UBAP2: variants seen among roughly 807,000 people sequenced by gnomAD.
The protein encoded by UBAP2 is ubiquitin associated protein 2.
Under a neutral mutation model 139.6 loss-of-function variants are expected in UBAP2, and 75 were observed. That is an observed-to-expected ratio of 0.54 (90% confidence interval 0.45 to 0.65). The LOEUF is 0.65. UBAP2 is among the 30% of genes least tolerant of loss of function. UBAP2 has a pLI of 0.00. For synonymous variants in UBAP2, 526 were observed against 526.2 expected (o/e 1.00, Z 0.01); for missense variants, 1,368 against 1,369.6 (o/e 1.00, Z 0.02).
At chr9:33,986,160 C>A (rs1429940855) in intron 6 of UBAP2, among the ~76,000 whole-genome samples, 1 of 152,024 alleles carries the variant, frequency 6.6e-6, no homozygotes, top group East Asian at 1.9e-4. Flanking sequence ...CCAAGCAATT[C>A]TCCTGCCTTA....
chr9:33,938,862 GCCC>G (rs1824832343), intron 16 of UBAP2: 10 of 444,072 alleles, frequency 2.3e-5, no homozygotes, highest in Admixed American at 5.1e-5. Context: ...TTGTTTCAGT[GCCC>G]ATCTGTCAGG....
intron 5 of UBAP2, among the ~76,000 whole-genome samples, 174 bp from the exon 6 acceptor site, chr9:33,987,011 G>A (rs983987025): frequency 2.0e-5 from 3 of 152,170 alleles, no homozygotes; most frequent in African/African-American, 7.2e-5. Flanking sequence ...AATGAGGTCA[G>A]GCACAGTGGC....
chr9:33,953,271 TAA>T lies in UBAP2; in HGVS notation c.1056+12_1056+13del. ...TATTTCTTAAAATCCCACACTGAAATAAAAGTGAGTTACCAGGCTCTGAGGAG... is the reference window on the plus strand; with the variant it reads ...TATTTCTTAAAATCCCACACTGAAATAAGTGAGTTACCAGGCTCTGAGGAG... On this transcript the variant is annotated intron_variant, in intron 12 of 28. Coordinates refer to ENST00000379238, the MANE Select transcript of UBAP2 (RefSeq NM_001370062.2). The T allele has an allele frequency of 3.7e-6, 6 of 1,606,268 alleles. No homozygotes were observed. Among genetic ancestry groups the T allele is most frequent in the Non-Finnish European group, 5.1e-6 (6 of 1,175,796 alleles).
chr9:34,030,415 C>A (rs553538629), intron 1 of UBAP2, among the ~76,000 whole-genome samples: 3 of 152,116 alleles, frequency 2.0e-5, no homozygotes, highest in African/African-American at 7.2e-5. Flanking sequence ...CGCCACTGCA[C>A]TCCAGCCTGG....
At chr9:33,960,430 T>C (rs1188997159) in intron 10 of UBAP2, among the ~76,000 whole-genome samples, 1 of 152,054 alleles carries the variant, frequency 6.6e-6, no homozygotes, top group Non-Finnish European at 1.5e-5. Context: ...TGAGATAAGA[T>C]GTCTCAGGCT....
chr9:33,953,375 G>C lies in UBAP2; in HGVS notation c.966C>G (p.Ala322=). The C allele has an allele frequency of 6.2e-7, 1 of 1,614,154 alleles. No homozygotes were observed. The highest frequency in any genetic ancestry group is 1.1e-5 in the South Asian group (1 of 91,074). The change falls in exon 12 of 29, where the codon GCC becomes GCG. Residue 322 remains alanine (A), a synonymous_variant. Coordinates refer to ENST00000379238, the MANE Select transcript of UBAP2 (RefSeq NM_001370062.2). ...ETSQQQGFGQ[A]LVFTNSQHNN... ...TGTGTTGCGAATTTGTGAAGACAAG[G>C]GCTTGGCCAAAGCCCTGCTGTTGGG...
rs147344288 is a variant in UBAP2, at chr9:33,985,079, A to T, written c.520+1681T>A. ...GAGATTTATCAAAAACAAAAAATTGAATTACCGTATGATCCAGCAATCCCA... is the reference window on the plus strand; with the variant it reads ...GAGATTTATCAAAAACAAAAAATTGTATTACCGTATGATCCAGCAATCCCA... On this transcript the variant is annotated intron_variant, in intron 6 of 28. Transcript: ENST00000379238. Among the ~76,000 whole-genome samples, 341 of 152,308 alleles carry T rather than the reference A, an allele frequency of 2.2e-3. 5 individuals are homozygous for T. The highest frequency in any genetic ancestry group is 0.02 in the South Asian group (95 of 4,820).
At chr9:33,950,211 G>A (rs994554236) in intron 12 of UBAP2, among the ~76,000 whole-genome samples, 17 of 151,714 alleles carry the variant, frequency 1.1e-4, no homozygotes, top group African/African-American at 3.4e-4. Context: ...GACTACAGGC[G>A]CCCACCACCA....
intron 1 of UBAP2, among the ~76,000 whole-genome samples, chr9:34,021,852 T>C (rs1482648063): frequency 6.6e-6 from 1 of 152,198 alleles, no homozygotes; most frequent in Non-Finnish European, 1.5e-5. Flanking sequence ...CAGGCTGGTT[T>C]CGAACTCCAG....
At chr9:33,929,764 G>A (rs1164194427) in intron 19 of UBAP2, among the ~76,000 whole-genome samples, 1 of 152,214 alleles carries the variant, frequency 6.6e-6, no homozygotes, top group African/African-American at 2.4e-5. Flanking sequence ...CACTTTGGGA[G>A]GCCGAGGCAG....
chr9:33,998,039 A>T (rs1284286801), intron 3 of UBAP2: 1 of 152,244 alleles, frequency 6.6e-6, no homozygotes, highest in Non-Finnish European at 1.5e-5. Context: ...ACCTCTTATT[A>T]AAGTTCAAAA....
rs185150870 is a variant in UBAP2, at chr9:33,922,625, G to A, written c.3265-26C>T. ...CTGAGGAAGAGGAGAAGGGAAGGCT[G>A]TCAAGGCTGGAGCAGAACCCCTGGC... On this transcript the variant is annotated intron_variant, in intron 28 of 28. Transcript: ENST00000379238. 407 of 1,608,354 alleles carry A rather than the reference G, an allele frequency of 2.5e-4. 1 individual carries two copies. The East Asian group carries it at 7.5e-3, about 30-fold the overall frequency.
At chr9:34,001,316 G>A (rs973853977) in intron 2 of UBAP2, among the ~76,000 whole-genome samples, 5 of 152,194 alleles carry the variant, frequency 3.3e-5, no homozygotes, top group African/African-American at 9.6e-5. Context: ...CTCCTAGTGT[G>A]TCCAAAGAAC....
intron 2 of UBAP2, among the ~76,000 whole-genome samples, chr9:34,014,415 G>A (rs930664827): frequency 6.6e-6 from 1 of 150,886 alleles, no homozygotes; most frequent in African/African-American, 2.4e-5. Flanking sequence ...AGTCACTTGG[G>A]CTCAGGTGTT....
intron 1 of UBAP2, among the ~76,000 whole-genome samples, chr9:34,034,763 C>T (rs1048943726): frequency 2.0e-5 from 3 of 152,046 alleles, no homozygotes; most frequent in South Asian, 2.1e-4. Context: ...GTCCCAGCTA[C>T]TGGAGAGGCT....
chr9:34,039,275 G>A (rs904796135), intron 1 of UBAP2, among the ~76,000 whole-genome samples: 11 of 151,850 alleles, frequency 7.2e-5, no homozygotes, highest in Non-Finnish European at 1.6e-4. Context: ...CGAGAGGTGG[G>A]GGGGGCGCCT....
chr9:33,971,877 T>A (rs1316134831), intron 7 of UBAP2, 123 bp from the exon 8 acceptor site: 12 of 613,410 alleles, frequency 2.0e-5, no homozygotes, highest in Middle Eastern at 5.7e-4. Context: ...GTAAAAGACA[T>A]CACCTCTCCT....
Position 33,992,281 on chromosome 9 carries a change from G to A in UBAP2, c.289-3155C>T, listed in dbSNP as rs1185576010. 2.7e-5 allele frequency among the ~76,000 whole-genome samples: 4 copies of A among 150,850 alleles called. No homozygotes were observed. The East Asian group carries it at 5.8e-4, about 22-fold the overall frequency. On this transcript the variant is annotated intron_variant, in intron 4 of 28. Coordinates refer to ENST00000379238, the MANE Select transcript of UBAP2 (RefSeq NM_001370062.2). ...CGCATTCCTGTAATCCCAGCTACTC[G>A]GGAGGCTGAGGCGGAAGAATCGCTT... is the stretch of plus-strand genomic sequence containing the variant.
intron 20 of UBAP2, 108 bp from the exon 21 acceptor site, chr9:33,927,188 AAAG>A (rs1395631221): frequency 2.5e-6 from 2 of 792,756 alleles, no homozygotes; most frequent in African/African-American, 3.5e-5. Context: ...AGATGGGTTC[AAAG>A]AAGGGCAGTG....
Sources: allele counts gnomAD v4.1 joint callset (sites outside exome capture counted in the v4.1 genomes callset), GRCh38; gene constraint gnomAD v4.1.1; transcripts MANE v1.5; gene names NCBI Gene and HGNC (gene_info 2026-07-23, HGNC 2026-07-21).